COPG2: variants seen among roughly 807,000 people sequenced by gnomAD.
COPG2 encodes coatomer subunit gamma-2.
COPG2 carries 37 observed loss-of-function variants against 46.3 expected under a neutral mutation model. The observed-to-expected ratio is 0.80, with a 90% CI of 0.61 to 1.05. The LOEUF (loss-of-function observed/expected upper bound fraction) is 1.05. Among genes scored for constraint, COPG2 ranks in the 50% least tolerant of loss-of-function variants. COPG2 has a pLI of 0.00. For missense variants in COPG2, 427 were observed against 387.8 expected (o/e 1.10, Z -0.85); for synonymous variants, 159 against 129.7 (o/e 1.23, Z -1.53).
At chr7:130,583,805 CAAAAAAAAA>C (rs1168370976) in intron 9 of COPG2, among the ~76,000 whole-genome samples, 9 of 12,356 alleles carry the variant, frequency 7.3e-4, no homozygotes, top group Admixed American at 4.4e-3. Flanking sequence ...GACTCCATCT[CAAAAAAAAA>C]AAAAAAAAAA....
In COPG2 at chr7:130,667,035, C is replaced by T. The variant is rs1796098549; in HGVS notation, c.91-106G>A. 3 of 628,004 alleles carry T rather than the reference C, an allele frequency of 4.8e-6. No homozygotes were observed. The South Asian group carries it at 6.4e-5, about 13-fold the overall frequency. The allele number at this position is 628,004 out of a possible 1,614,324, so 38.9% of individuals were successfully genotyped here. A position where few individuals can be genotyped will look rare whatever the true frequency, so the allele number is the denominator to read the frequency against. On this transcript the variant is annotated intron_variant, in intron 2 of 23. Coordinates refer to ENST00000425248, the MANE Select transcript of COPG2 (RefSeq NM_012133.6). ...ATTTTTAATCACGGTATCCAAAGAA[C>T]ATTGTCTATAGTTCTCAATTTACTA...
At chr7:130,631,777 T>C (rs1169173154) in intron 5 of COPG2, among the ~76,000 whole-genome samples, 7 of 152,170 alleles carry the variant, frequency 4.6e-5, no homozygotes, top group Admixed American at 4.6e-4. Flanking sequence ...ACTTTTAAAA[T>C]TACGTAAACA....
chr7:130,572,567 G>C (rs1793927739), intron 9 of COPG2, among the ~76,000 whole-genome samples: 1 of 151,922 alleles, frequency 6.6e-6, no homozygotes, highest in Non-Finnish European at 1.5e-5. Flanking sequence ...AAAGAAACCA[G>C]GGAAATCCTT....
intron 20 of COPG2, chr7:130,511,032 C>T: frequency 1.9e-6 from 1 of 513,254 alleles, no homozygotes; most frequent in Non-Finnish European, 3.9e-6. Context: ...GAGAGTCAAC[C>T]ACTAAGGAGA....
At chr7:130,665,275 CAAAGT>C (rs1170422598) in intron 3 of COPG2, among the ~76,000 whole-genome samples, 8 of 152,118 alleles carry the variant, frequency 5.3e-5, no homozygotes, top group South Asian at 4.1e-4. Context: ...AGTCACAAAA[CAAAGT>C]AAAGATAATA....
intron 5 of COPG2, among the ~76,000 whole-genome samples, chr7:130,636,103 G>A (rs920205655): frequency 2.0e-5 from 3 of 152,172 alleles, no homozygotes; most frequent in East Asian, 1.9e-4. Context: ...TGCATTTGCT[G>A]AGGAGTGTTT....
intron 5 of COPG2, among the ~76,000 whole-genome samples, chr7:130,648,550 CG>C (rs1382715920): frequency 6.6e-6 from 1 of 152,126 alleles, no homozygotes; most frequent in African/African-American, 2.4e-5. Flanking sequence ...TCTCCATCTT[CG>C]GACCTACGGA....
chr7:130,536,544 G>A (rs1005907313), intron 20 of COPG2, among the ~76,000 whole-genome samples: 1 of 152,212 alleles, frequency 6.6e-6, no homozygotes, highest in Non-Finnish European at 1.5e-5. Context: ...AGATGCTTCT[G>A]ATAGGCTTCC....
chr7:130,642,264 T>C (rs1795506934), intron 5 of COPG2, among the ~76,000 whole-genome samples: 1 of 151,580 alleles, frequency 6.6e-6, no homozygotes, highest in African/African-American at 2.4e-5. Flanking sequence ...TTCACCGAGC[T>C]GTAATTTATA....
intron 9 of COPG2, among the ~76,000 whole-genome samples, chr7:130,590,576 G>C (rs1274237127): frequency 2.0e-5 from 3 of 152,022 alleles, no homozygotes; most frequent in Non-Finnish European, 4.4e-5. Flanking sequence ...TGCCCAGGCT[G>C]GAGTGCAGTG....
At chr7:130,663,929 C>T (rs1284658238) in intron 3 of COPG2, among the ~76,000 whole-genome samples, 3 of 151,678 alleles carry the variant, frequency 2.0e-5, no homozygotes, top group Non-Finnish European at 2.9e-5. Context: ...TTAGTAGAGA[C>T]GGGGTTTCAC....
intron 20 of COPG2, among the ~76,000 whole-genome samples, chr7:130,524,870 C>G (rs1421112040): frequency 1.3e-5 from 2 of 152,004 alleles, no homozygotes; most frequent in African/African-American, 4.8e-5. Flanking sequence ...GGACTGTGTC[C>G]GCCATGGTGG....
intron 20 of COPG2, among the ~76,000 whole-genome samples, chr7:130,529,346 C>T (rs1168429780): frequency 6.6e-6 from 1 of 152,028 alleles, no homozygotes; most frequent in Non-Finnish European, 1.5e-5. Flanking sequence ...ATGTGCAGTA[C>T]ATCTTAACTA....
At chr7:130,518,384 G>A (rs1009376960) in intron 20 of COPG2, among the ~76,000 whole-genome samples, 105 of 152,300 alleles carry the variant, frequency 6.9e-4, no homozygotes, top group African/African-American at 2.4e-3. Flanking sequence ...TTGATTCAAA[G>A]CCACTGATAG....
At chr7:130,541,103 C>T (rs1764045556) in intron 20 of COPG2, among the ~76,000 whole-genome samples, 1 of 152,106 alleles carries the variant, frequency 6.6e-6, no homozygotes, top group African/African-American at 2.4e-5. Flanking sequence ...CTGATGGAGG[C>T]ATCAGGGTCA....
intron 13 of COPG2, 63 bp downstream of exon 13, chr7:130,554,974 T>C: frequency 2.5e-6 from 1 of 398,178 alleles, no homozygotes; most frequent in East Asian, 3.6e-5. Flanking sequence ...CACTATGGTA[T>C]TTCATGGCAA....
intron 20 of COPG2, among the ~76,000 whole-genome samples, chr7:130,537,881 G>T (rs1440069543): frequency 6.6e-6 from 1 of 152,202 alleles, no homozygotes; most frequent in Non-Finnish European, 1.5e-5. Context: ...GGGTGTAGAG[G>T]TGTTGGCACC....
intron 9 of COPG2, chr7:130,604,880 T>C (rs1265080563): frequency 2.6e-6 from 1 of 388,808 alleles, no homozygotes; most frequent in Non-Finnish European, 5.0e-6. Context: ...TGAATTGCCA[T>C]TAAATTTTAT....
chr7:130,541,318 G>C (rs887597133), intron 20 of COPG2, among the ~76,000 whole-genome samples: 3 of 152,098 alleles, frequency 2.0e-5, no homozygotes, highest in South Asian at 2.1e-4. Flanking sequence ...TGAGAGCAGA[G>C]AGCAGGGGAT....
Sources: gnomAD v4.1 joint callset for allele counts (sites outside exome capture counted in the v4.1 genomes callset) on GRCh38, gnomAD v4.1.1 for gene constraint, MANE v1.5 for transcripts, NCBI Gene and HGNC (gene_info 2026-07-23, HGNC 2026-07-21) for gene names.